CCSER1: variants seen among roughly 807,000 people sequenced by gnomAD.
The protein encoded by CCSER1 is serine-rich coiled-coil domain-containing protein 1.
Under a neutral mutation model 82.0 loss-of-function variants are expected in CCSER1, and 41 were observed. That is an observed-to-expected ratio of 0.50 (90% CI 0.39 to 0.65). The LOEUF (loss-of-function observed/expected upper bound fraction) is 0.65, where lower values mean the gene tolerates loss of function less well. Ranked by LOEUF, CCSER1 falls within the 30% of genes least tolerant of loss-of-function variation. The probability of loss-of-function intolerance (pLI) is 0.00; values close to 1 mark genes in which losing one functional copy is unlikely to be tolerated. For synonymous variants in CCSER1, 414 were observed against 383.9 expected, an observed-to-expected ratio of 1.08 and a Z score of -0.92; for missense variants, 1,119 against 1,064.2, an observed-to-expected ratio of 1.05 and a Z score of -0.72.
rs1025855788 is a variant in CCSER1, at chr4:91,504,958, C to T, written c.2218-93614C>T. ...TTCTTTAAAAAAATTATTTTAAGTT[C>T]CTGGGTACATGTGCAGGATGTACAG... On this transcript the variant is annotated intron_variant, in intron 10 of 10. Coordinates refer to ENST00000509176, the MANE Select transcript of CCSER1 (RefSeq NM_001145065.2). Among the ~76,000 whole-genome samples, 6 of 152,076 alleles carry T rather than the reference C, an allele frequency of 3.9e-5. No individual in the cohort carries two copies. In the South Asian group the frequency reaches 1.0e-3, roughly 26 times the overall value.
At chr4:91,197,694 T>C (rs1306865271) in intron 10 of CCSER1, among the ~76,000 whole-genome samples, 3 of 152,148 alleles carry the variant, frequency 2.0e-5, no homozygotes, top group Non-Finnish European at 2.9e-5. Flanking sequence ...AATTTAAAAA[T>C]TACAAATATA....
intron 10 of CCSER1, among the ~76,000 whole-genome samples, chr4:91,131,319 C>A (rs1205054858): frequency 1.4e-5 from 2 of 140,594 alleles, no homozygotes; most frequent in African/African-American, 5.3e-5. Flanking sequence ...TAATCTAGAA[C>A]AGTTCTCCCC....
intron 4 of CCSER1, among the ~76,000 whole-genome samples, chr4:90,448,472 TA>T (rs1560533055): frequency 1.4e-3 from 193 of 139,698 alleles, no homozygotes; most frequent in African/African-American, 4.9e-3. Flanking sequence ...TATATATATA[TA>T]TATATATATA....
chr4:90,649,137 A>C (rs1728256401), intron 6 of CCSER1, among the ~76,000 whole-genome samples: 1 of 152,216 alleles, frequency 6.6e-6, no homozygotes, highest in African/African-American at 2.4e-5. Flanking sequence ...TGAAAATAAC[A>C]ATCCTGTCCA....
chr4:91,491,522 T>C (rs1295703634), intron 10 of CCSER1, among the ~76,000 whole-genome samples: 1 of 152,100 alleles, frequency 6.6e-6, no homozygotes, highest in Non-Finnish European at 1.5e-5. Flanking sequence ...TATTGTTAAA[T>C]TGCAGGAATA....
intron 10 of CCSER1, among the ~76,000 whole-genome samples, chr4:91,448,337 C>G (rs1198206894): frequency 2.0e-5 from 3 of 152,046 alleles, no homozygotes; most frequent in East Asian, 1.9e-4. Context: ...ATGTATGAAG[C>G]TTGATTGTGT....
chr4:90,638,352 G>A (rs1028864517), intron 6 of CCSER1, among the ~76,000 whole-genome samples: 2 of 152,098 alleles, frequency 1.3e-5, no homozygotes, highest in South Asian at 4.1e-4. Flanking sequence ...TTACACAACT[G>A]TTAAGTGCCA....
chr4:90,597,248 C>T (rs1783452062), intron 5 of CCSER1, among the ~76,000 whole-genome samples: 1 of 151,944 alleles, frequency 6.6e-6, no homozygotes, highest in Non-Finnish European at 1.5e-5. Flanking sequence ...GAATCAAATA[C>T]TTATTCTGCT....
intron 9 of CCSER1, among the ~76,000 whole-genome samples, chr4:91,079,261 G>T (rs1722404766): frequency 6.6e-6 from 1 of 152,144 alleles, no homozygotes; most frequent in African/African-American, 2.4e-5. Flanking sequence ...GAGAGTGGGG[G>T]TCAATATTCA....
At chr4:90,148,915 ATGC>A (rs1279244378) in intron 1 of CCSER1, among the ~76,000 whole-genome samples, 1 of 152,088 alleles carries the variant, frequency 6.6e-6, no homozygotes, top group Non-Finnish European at 1.5e-5. Flanking sequence ...AGTCAATCTT[ATGC>A]TTATTTTTAC....
chr4:90,785,827 T>G (rs1205856085), intron 7 of CCSER1, among the ~76,000 whole-genome samples: 1 of 152,250 alleles, frequency 6.6e-6, no homozygotes, highest in Non-Finnish European at 1.5e-5. Context: ...GTATTGCTTT[T>G]CTACTTGTAA....
At chr4:91,433,380 A>G (rs186671371) in intron 10 of CCSER1, among the ~76,000 whole-genome samples, 10 of 152,276 alleles carry the variant, frequency 6.6e-5, no homozygotes, top group East Asian at 5.8e-4. Context: ...CAGTGTTTAT[A>G]AAGTCTACAG....
intron 1 of CCSER1, among the ~76,000 whole-genome samples, chr4:90,144,091 A>T (rs1460881926): frequency 6.6e-6 from 1 of 152,226 alleles, no homozygotes; most frequent in Non-Finnish European, 1.5e-5. Context: ...AAAGGGAAAG[A>T]TATAAATCAC....
chr4:90,953,779 C>G (rs1045984861), intron 9 of CCSER1, among the ~76,000 whole-genome samples: 7 of 151,754 alleles, frequency 4.6e-5, no homozygotes, highest in African/African-American at 1.7e-4. Flanking sequence ...ATAATTTCAT[C>G]CATAGTATAG....
rs558571063 is a variant in CCSER1, at chr4:91,165,729, C to T, written c.2217+79735C>T. Among the ~76,000 whole-genome samples, 20 of 152,378 alleles carry T rather than the reference C, an allele frequency of 1.3e-4. No individual in the cohort carries two copies. The South Asian group carries it at 2.1e-3, about 16-fold the overall frequency. On this transcript the variant is annotated intron_variant, in intron 10 of 10. Transcript: ENST00000509176. ...AGCAAGGCTCCATGGGCATGGCACC[C>T]GCCAAACCAGGCGTGGGATATAATC... is the stretch of plus-strand genomic sequence containing the variant.
chr4:90,670,829 C>T (rs1732660899), intron 6 of CCSER1, among the ~76,000 whole-genome samples: 1 of 151,882 alleles, frequency 6.6e-6, no homozygotes, highest in Non-Finnish European at 1.5e-5. Flanking sequence ...CCTCCTTTAT[C>T]CAGGAAGAGG....
chr4:91,452,992 A>T (rs1302952380), intron 10 of CCSER1, among the ~76,000 whole-genome samples: 1 of 152,066 alleles, frequency 6.6e-6, no homozygotes, highest in Non-Finnish European at 1.5e-5. Context: ...TATTTTGAGA[A>T]ATATTTGTAT....
intron 6 of CCSER1, among the ~76,000 whole-genome samples, chr4:90,671,454 A>T (rs1183113112): frequency 6.6e-6 from 1 of 152,072 alleles, no homozygotes; most frequent in Non-Finnish European, 1.5e-5. Flanking sequence ...CCAAGGAAAC[A>T]CTTTTTCTGC....
At chr4:90,742,230 G>A (rs944132856) in intron 7 of CCSER1, among the ~76,000 whole-genome samples, 1 of 152,134 alleles carries the variant, frequency 6.6e-6, no homozygotes, top group Non-Finnish European at 1.5e-5. Flanking sequence ...TCCTTCTCCA[G>A]CACTGGCAAT....
Sources: allele counts gnomAD v4.1 joint callset (sites outside exome capture counted in the v4.1 genomes callset), GRCh38; gene constraint gnomAD v4.1.1; transcripts MANE v1.5; gene names NCBI Gene and HGNC (gene_info 2026-07-23, HGNC 2026-07-21).